MAPK10: variants seen among roughly 807,000 people sequenced by gnomAD.
MAPK10 encodes JNK3 alpha protein kinase.
A neutral mutation model predicts 59.3 loss-of-function variants in MAPK10; 25 were observed. That is an observed-to-expected ratio of 0.42 (90% CI 0.31 to 0.59). The LOEUF (loss-of-function observed/expected upper bound fraction) is 0.59. Among genes scored for constraint, MAPK10 ranks in the 20% least tolerant of loss-of-function variants. The pLI is 0.15. For synonymous variants in MAPK10, 190 were observed against 200.5 expected (o/e 0.95, Z 0.44); for missense variants, 351 against 568.9 (o/e 0.62, Z 3.90).
At chr4:86,086,227 TAGA>T (rs988785247) in intron 9 of MAPK10, among the ~76,000 whole-genome samples, 5 of 151,516 alleles carry the variant, frequency 3.3e-5, no homozygotes, top group Non-Finnish European at 7.4e-5. Context: ...AGATAGACAG[TAGA>T]AGGATGGTTA....
At position 86,269,261 on chromosome 4, in the gene MAPK10, G is replaced by C. The variant is rs74919656; in HGVS notation, c.-6-74854C>G. Among the ~76,000 whole-genome samples, 436 of 152,270 alleles carry C rather than the reference G, an allele frequency of 2.9e-3. 4 individuals carry two copies. The highest frequency in any genetic ancestry group is 0.01 in the African/African-American group (425 of 41,574). ...AGAATGAGCCATTAGGCTGTGTAGT[G>C]AGTACATTGCCCTGTCATTATGACA... On this transcript the variant is annotated intron_variant, in intron 2 of 13. Coordinates refer to ENST00000641462, the MANE Select transcript of MAPK10 (RefSeq NM_138982.4).
At chr4:86,033,872 C>G (rs924812106) in intron 11 of MAPK10, among the ~76,000 whole-genome samples, 2 of 152,150 alleles carry the variant, frequency 1.3e-5, no homozygotes, top group African/African-American at 4.8e-5. Context: ...GACCAATAAT[C>G]CAGAGAGAGC....
At chr4:86,037,461 A>G (rs967272095) in intron 11 of MAPK10, among the ~76,000 whole-genome samples, 1 of 151,956 alleles carries the variant, frequency 6.6e-6, no homozygotes, top group Non-Finnish European at 1.5e-5. Flanking sequence ...TGGAGCTTGC[A>G]GTGAGCCAAG....
intron 1 of MAPK10, among the ~76,000 whole-genome samples, chr4:86,427,690 G>C: frequency 6.6e-6 from 1 of 152,194 alleles, no homozygotes; most frequent in East Asian, 1.9e-4. Context: ...GGTTAAAAGA[G>C]TTGGACTAAC....
chr4:86,109,166 A>C (rs1162561112), intron 4 of MAPK10, among the ~76,000 whole-genome samples: 1 of 152,194 alleles, frequency 6.6e-6, no homozygotes, highest in Non-Finnish European at 1.5e-5. Flanking sequence ...TTATACAGCT[A>C]AGTCTGTCCT....
At chr4:86,068,060 G>A (rs2047079136) in intron 9 of MAPK10, 105 bp from the exon 10 acceptor site, 3 of 590,340 alleles carry the variant, frequency 5.1e-6, no homozygotes, top group East Asian at 2.9e-5. Context: ...TAATGCAACT[G>A]TAGTTTTAAT....
intron 2 of MAPK10, among the ~76,000 whole-genome samples, chr4:86,248,461 AGGC>A (rs889559654): frequency 6.6e-5 from 10 of 152,212 alleles, no homozygotes; most frequent in Non-Finnish European, 1.3e-4. Context: ...TACCTTTACT[AGGC>A]ACCTACCATA....
intron 3 of MAPK10, chr4:86,192,530 A>G (rs2149312080): frequency 6.6e-6 from 1 of 151,600 alleles, no homozygotes; most frequent in South Asian, 2.1e-4. Context: ...TTGATCTTCA[A>G]TCTCTGATAT....
chr4:86,310,727 G>T (rs981046068), intron 2 of MAPK10, among the ~76,000 whole-genome samples: 1 of 152,006 alleles, frequency 6.6e-6, no homozygotes, highest in African/African-American at 2.4e-5. Flanking sequence ...ACTTCCTTGA[G>T]ACACTATTTA....
intron 1 of MAPK10, among the ~76,000 whole-genome samples, chr4:86,462,755 G>A (rs1280744299): frequency 6.6e-6 from 1 of 152,136 alleles, no homozygotes; most frequent in Non-Finnish European, 1.5e-5. Flanking sequence ...ACAATGGGGA[G>A]CACAAGTTCT....
intron 11 of MAPK10, among the ~76,000 whole-genome samples, chr4:86,053,118 A>T (rs1198079744): frequency 6.6e-6 from 1 of 152,214 alleles, no homozygotes; most frequent in African/African-American, 2.4e-5. Flanking sequence ...GTAAACCTTT[A>T]GGAACTTAAG....
chr4:86,551,015 A>G (rs1056788198), intron 1 of MAPK10, among the ~76,000 whole-genome samples: 1 of 152,244 alleles, frequency 6.6e-6, no homozygotes, highest in African/African-American at 2.4e-5. Context: ...AAGGAGACAG[A>G]TAAGTAAAAT....
upstream of MAPK10, among the ~76,000 whole-genome samples, chr4:86,454,900 A>G (rs540409471): frequency 6.6e-6 from 1 of 152,326 alleles, no homozygotes; most frequent in East Asian, 1.9e-4. Context: ...GGTAACCTAT[A>G]AAGGAAAACC....
intron 9 of MAPK10, among the ~76,000 whole-genome samples, chr4:86,086,467 T>C (rs1176286968): frequency 1.3e-5 from 2 of 152,208 alleles, no homozygotes; most frequent in Non-Finnish European, 2.9e-5. Flanking sequence ...TCTTCCATGA[T>C]GTGATTATTA....
chr4:86,188,395 C>A (rs1027438188), intron 3 of MAPK10, among the ~76,000 whole-genome samples: 1 of 152,174 alleles, frequency 6.6e-6, no homozygotes, highest in Non-Finnish European at 1.5e-5. Flanking sequence ...CCTCCACATC[C>A]TCTCCAGCAT....
At chr4:86,302,047 A>G (rs1347595475) in intron 2 of MAPK10, among the ~76,000 whole-genome samples, 1 of 151,984 alleles carries the variant, frequency 6.6e-6, no homozygotes, top group Non-Finnish European at 1.5e-5. Context: ...AAAAAAATCC[A>G]GTTGCAATTT....
At chr4:86,145,725 TTTC>T (rs753482566) in intron 4 of MAPK10, among the ~76,000 whole-genome samples, 19 of 152,166 alleles carry the variant, frequency 1.2e-4, no homozygotes, top group African/African-American at 2.7e-4. Context: ...TCTGTGTATC[TTTC>T]TTCTTCTGTC....
chr4:86,313,694 T>C (rs1403305675), intron 2 of MAPK10, among the ~76,000 whole-genome samples: 1 of 152,100 alleles, frequency 6.6e-6, no homozygotes, highest in Admixed American at 6.6e-5. Context: ...ATAACTAACA[T>C]TTCTAAAACT....
At chr4:86,089,082 A>G (rs1019073797) in intron 9 of MAPK10, 5 of 682,920 alleles carry the variant, frequency 7.3e-6, no homozygotes, top group Non-Finnish European at 1.2e-5. Flanking sequence ...AATATTTGAC[A>G]TTGAGTCTCA....
Sources: gnomAD v4.1 joint callset for allele counts (sites outside exome capture counted in the v4.1 genomes callset) on GRCh38, gnomAD v4.1.1 for gene constraint, MANE v1.5 for transcripts, NCBI Gene and HGNC (gene_info 2026-07-23, HGNC 2026-07-21) for gene names.